ACACA: variants seen among roughly 807,000 people sequenced by gnomAD.
ACACA encodes acetyl-CoA carboxylase alpha.
Under a neutral mutation model 296.1 loss-of-function variants are expected in ACACA, and 103 were observed. That is an observed-to-expected ratio of 0.35 (90% CI 0.30 to 0.41). ACACA has a LOEUF of 0.41. ACACA is among the 10% of genes least tolerant of loss of function. The pLI is 1.00. For missense variants in ACACA, 1,554 were observed against 2,989.7 expected (o/e 0.52, Z 11.20); for synonymous variants, 953 against 1,038.6 (o/e 0.92, Z 1.58).
intron 3 of ACACA, among the ~76,000 whole-genome samples, chr17:37,325,729 C>T (rs930332430): frequency 1.3e-5 from 2 of 151,702 alleles, no homozygotes; most frequent in East Asian, 4.0e-4. Flanking sequence ...CATGTGCCAT[C>T]GTGCTCGGCT....
chr17:37,280,071 C>T (rs984773994), intron 5 of ACACA, among the ~76,000 whole-genome samples: 1 of 152,102 alleles, frequency 6.6e-6, no homozygotes, highest in African/African-American at 2.4e-5. Flanking sequence ...AAAAGGTATT[C>T]ACATTTTCAG....
intron 3 of ACACA, among the ~76,000 whole-genome samples, chr17:37,305,749 T>C (rs2083844295): frequency 6.6e-6 from 1 of 152,156 alleles, no homozygotes; most frequent in South Asian, 2.1e-4. Context: ...TAAACTCCCT[T>C]GAACCACAGC....
At chr17:37,375,703 G>T (rs990616225) in intron 1 of ACACA, among the ~76,000 whole-genome samples, 1 of 152,084 alleles carries the variant, frequency 6.6e-6, no homozygotes, top group African/African-American at 2.4e-5. Flanking sequence ...ATCTTTTCAT[G>T]AAAGTATATA....
chr17:37,281,193 G>A (rs2082514864), intron 5 of ACACA, among the ~76,000 whole-genome samples: 1 of 151,584 alleles, frequency 6.6e-6, no homozygotes, highest in Admixed American at 6.6e-5. Context: ...CCGAGTAGCT[G>A]GATTTACGGG....
At chr17:37,213,665 T>C (rs1567823725) in intron 29 of ACACA, among the ~76,000 whole-genome samples, 1 of 152,218 alleles carries the variant, frequency 6.6e-6, no homozygotes, top group Non-Finnish European at 1.5e-5. Flanking sequence ...CAAGTTAGCA[T>C]TCCACATCAG....
chr17:37,342,524 T>C (rs1327200222), intron 1 of ACACA, among the ~76,000 whole-genome samples: 1 of 144,712 alleles, frequency 6.9e-6, no homozygotes, highest in Non-Finnish European at 1.5e-5. Flanking sequence ...ATCCTATATA[T>C]ACACTATACA....
At chr17:37,332,608 A>C (rs2047935172) in intron 2 of ACACA, among the ~76,000 whole-genome samples, 1 of 105,108 alleles carries the variant, frequency 9.5e-6, no homozygotes, top group Admixed American at 1.0e-4. Context: ...CCATCTGTAC[A>C]AAAAAAAAAA....
At chr17:37,349,530 T>C (rs950307200) in intron 1 of ACACA, among the ~76,000 whole-genome samples, 5 of 147,572 alleles carry the variant, frequency 3.4e-5, no homozygotes, top group East Asian at 2.0e-4. Flanking sequence ...TGTGTGTGTG[T>C]GCGCGCGTGT....
At chr17:37,227,864 A>AAC (rs2079622365) in intron 25 of ACACA, among the ~76,000 whole-genome samples, 1 of 151,646 alleles carries the variant, frequency 6.6e-6, no homozygotes, top group African/African-American at 2.4e-5. Flanking sequence ...TGTCTCAAAA[A>AAC]AAAAAAAAAA....
rs1284602869 is a variant in ACACA at position 37,086,659 on chromosome 17, G to A, written c.*657C>T. 1 of 153,792 alleles carries A rather than the reference G, an allele frequency of 6.5e-6. No individual in the cohort carries two copies. Among genetic ancestry groups the A allele is most frequent in the South Asian group, 2.0e-4 (1 of 4,916 alleles). 9.5% of individuals were successfully genotyped at this position (153,792 alleles called of 1,614,324 possible). A position where few individuals can be genotyped will look rare whatever the true frequency, so the allele number is the denominator to read the frequency against. On this transcript the variant is annotated 3_prime_UTR_variant, in exon 56 of 56. Coordinates refer to ENST00000616317, the MANE Select transcript of ACACA (RefSeq NM_198834.3). Reference sequence around the variant, plus strand: ...GAGGTCCCCTAAATCAAGAATAACTGGTTCTATTTTCTTTCTCTGCTTCTT... The same window carrying A: ...GAGGTCCCCTAAATCAAGAATAACTAGTTCTATTTTCTTTCTCTGCTTCTT...
intron 41 of ACACA, among the ~76,000 whole-genome samples, chr17:37,170,141 T>G (rs1470635392): frequency 6.6e-6 from 1 of 152,114 alleles, no homozygotes; most frequent in Admixed American, 6.6e-5. Context: ...TTTAGGGTTA[T>G]CAACCTAAGC....
At chr17:37,314,032 G>A (rs1443448333) in intron 3 of ACACA, among the ~76,000 whole-genome samples, 2 of 151,452 alleles carry the variant, frequency 1.3e-5, no homozygotes, top group Admixed American at 1.3e-4. Context: ...ACACACAATG[G>A]AGTACTATTG....
intron 52 of ACACA, among the ~76,000 whole-genome samples, chr17:37,100,659 A>G (rs1319666186): frequency 6.6e-6 from 1 of 151,938 alleles, no homozygotes; most frequent in East Asian, 1.9e-4. Flanking sequence ...TAAAAAGGAC[A>G]TTGAGACAAT....
chr17:37,278,834 C>A (rs551735713), intron 5 of ACACA, among the ~76,000 whole-genome samples: 1 of 152,222 alleles, frequency 6.6e-6, no homozygotes, highest in Admixed American at 6.5e-5. Context: ...CTCAAGCATC[C>A]ACCATTATTT....
intron 39 of ACACA, among the ~76,000 whole-genome samples, chr17:37,187,285 AG>A (rs2077574732): frequency 6.6e-6 from 1 of 152,236 alleles, no homozygotes; most frequent in African/African-American, 2.4e-5. Flanking sequence ...CATCTTCAAA[AG>A]ACTGAAAAAT....
At chr17:37,135,278 CA>C (rs1044054391) in intron 45 of ACACA, among the ~76,000 whole-genome samples, 10 of 152,260 alleles carry the variant, frequency 6.6e-5, no homozygotes, top group African/African-American at 2.2e-4. Flanking sequence ...TTGGGGGTTC[CA>C]AAATACAGTT....
chr17:37,103,004 A>C (rs540617645), intron 52 of ACACA, among the ~76,000 whole-genome samples: 2 of 152,220 alleles, frequency 1.3e-5, no homozygotes, highest in East Asian at 3.9e-4. Context: ...AGTGGAGAAT[A>C]TATGTGTTTT....
At chr17:37,195,293 C>A (rs1486132981) in intron 35 of ACACA, among the ~76,000 whole-genome samples, 1 of 152,098 alleles carries the variant, frequency 6.6e-6, no homozygotes, top group Non-Finnish European at 1.5e-5. Flanking sequence ...AAAACCATTT[C>A]CTTTCAAAAA....
rs1421267691 is a variant in ACACA at position 37,174,002 on chromosome 17, ATATATATATATATATATATTTTTTT to A, written c.5079+5233_5079+5257del. 3.4e-3 allele frequency among the ~76,000 whole-genome samples: 36 copies of A among 10,598 alleles called. 1 individual carries two copies. Among genetic ancestry groups the A allele is most frequent in the Admixed American group, 0.017 (15 of 862 alleles). 7.0% of individuals were successfully genotyped at this position (10,598 alleles called of 152,430 possible). On this transcript the variant is annotated intron_variant, in intron 41 of 55. Transcript: ENST00000616317. ...CTAATTTATATATATATATATATAT[ATATATATATATATATATATTTTTTT>A]TTTTTTTTTTTTTTGTAGCGATAGG...
Sources: gnomAD v4.1 joint callset for allele counts (sites outside exome capture counted in the v4.1 genomes callset) on GRCh38, gnomAD v4.1.1 for gene constraint, MANE v1.5 for transcripts, NCBI Gene and HGNC (gene_info 2026-07-23, HGNC 2026-07-21) for gene names.